The following TMEM71 variants were observed in gnomAD, a reference collection of about 807,000 sequenced individuals.
TMEM71 encodes transmembrane protein 71.
In TMEM71, 44 loss-of-function variants were observed where a neutral mutation model predicts 38.0. The observed-to-expected ratio is 1.16, with a 90% CI of 0.91 to 1.49. TMEM71 has a LOEUF of 1.49. Ranked by LOEUF, TMEM71 falls within the 40% of genes most tolerant of loss-of-function variation. TMEM71 has a pLI of 0.00. For synonymous variants in TMEM71, 133 were observed against 122.5 expected, an observed-to-expected ratio of 1.09 and a Z score of -0.56; for missense variants, 367 against 348.6, an observed-to-expected ratio of 1.05 and a Z score of -0.42.
At chr8:132,743,510 A>C (rs1371097746) in intron 5 of TMEM71, among the ~76,000 whole-genome samples, 1 of 151,876 alleles carries the variant, frequency 6.6e-6, no homozygotes, top group Non-Finnish European at 1.5e-5. Context: ...TTGTTTTTCC[A>C]CTCACCTCCA....
intron 7 of TMEM71, among the ~76,000 whole-genome samples, chr8:132,719,243 T>C (rs1826705194): frequency 6.6e-6 from 1 of 152,206 alleles, no homozygotes; most frequent in Non-Finnish European, 1.5e-5. Context: ...TGTCTTGCCT[T>C]TTCTTGAATT....
intron 6 of TMEM71, among the ~76,000 whole-genome samples, chr8:132,723,733 C>A (rs1461843071): frequency 1.3e-5 from 2 of 152,212 alleles, no homozygotes; most frequent in Non-Finnish European, 2.9e-5. Context: ...ACCTCTCCCC[C>A]TCTCTTGGTA....
chr8:132,745,017 TAACTC>T (rs1324067116), intron 5 of TMEM71, among the ~76,000 whole-genome samples: 2 of 152,104 alleles, frequency 1.3e-5, no homozygotes, highest in Non-Finnish European at 2.9e-5. Flanking sequence ...ATACAAAAAT[TAACTC>T]AAGATGGATT....
chr8:132,725,141 G>C (rs1382067288), intron 6 of TMEM71, among the ~76,000 whole-genome samples: 2 of 151,350 alleles, frequency 1.3e-5, no homozygotes, highest in Non-Finnish European at 2.9e-5. Context: ...AGGCTCAGGT[G>C]ATTCTCCCAC....
intron 6 of TMEM71, 86 bp downstream of exon 6, chr8:132,727,712 G>C: frequency 7.9e-7 from 1 of 1,259,130 alleles, no homozygotes; most frequent in East Asian, 2.4e-5. Context: ...GCTCCTAACT[G>C]CATTTTAGTC....
At chr8:132,747,562 G>C (rs2131160163) in intron 4 of TMEM71, among the ~76,000 whole-genome samples, 1 of 152,298 alleles carries the variant, frequency 6.6e-6, no homozygotes, top group Middle Eastern at 3.4e-3. Flanking sequence ...AACATAGTTG[G>C]GATGCAATCC....
chr8:132,712,026 C>T lies in TMEM71; in HGVS notation c.873-1044G>A, dbSNP rs764158827. Among the ~76,000 whole-genome samples the T allele has an allele frequency of 3.9e-5, 6 of 152,108 alleles. No individual in the cohort carries two copies. In the South Asian group the frequency reaches 1.3e-3, roughly 32 times the overall value. Reference sequence around the variant, plus strand: ...AGGGTTGCAAAATCTTTAATATACACGCAGAGCTCTTGGCTTTCAAGGAAG... The same window carrying T: ...AGGGTTGCAAAATCTTTAATATACATGCAGAGCTCTTGGCTTTCAAGGAAG... On this transcript the variant is annotated intron_variant, in intron 9 of 9. Coordinates refer to ENST00000677595, the MANE Select transcript of TMEM71 (RefSeq NM_001382403.1).
At chr8:132,741,997 A>G (rs1828069023) in intron 5 of TMEM71, among the ~76,000 whole-genome samples, 1 of 152,196 alleles carries the variant, frequency 6.6e-6, no homozygotes. Flanking sequence ...TCACCACTAG[A>G]CCAAGGAGCC....
the TMEM71 span, among the ~76,000 whole-genome samples, chr8:132,775,958 A>G: frequency 6.6e-6 from 1 of 152,022 alleles, no homozygotes; most frequent in Non-Finnish European, 1.5e-5. Flanking sequence ...CCTGGCGGTC[A>G]TTCTCTGACC....
chr8:132,736,442 C>T (rs1025496852), intron 5 of TMEM71, among the ~76,000 whole-genome samples: 21 of 151,904 alleles, frequency 1.4e-4, no homozygotes, highest in Non-Finnish European at 5.9e-5. Context: ...TCAAAGGGTA[C>T]AAAATTCCAG....
intron 1 of TMEM71, among the ~76,000 whole-genome samples, chr8:132,760,119 A>G (rs1467002332): frequency 6.6e-6 from 1 of 152,150 alleles, no homozygotes; most frequent in Non-Finnish European, 1.5e-5. Context: ...TTATTGCTCT[A>G]TCTCACAAGT....
chr8:132,708,886 G>A (rs1826133412), downstream of TMEM71, among the ~76,000 whole-genome samples: 2 of 152,170 alleles, frequency 1.3e-5, no homozygotes, highest in South Asian at 4.1e-4. Context: ...AGGGGCCAGG[G>A]AATGCAAGCA....
chr8:132,772,982 C>T, the TMEM71 span, among the ~76,000 whole-genome samples: 9 of 152,188 alleles, frequency 5.9e-5, no homozygotes, highest in Non-Finnish European at 8.8e-5. Flanking sequence ...CCTTACATTA[C>T]ACAGTTGCTT....
intron 5 of TMEM71, among the ~76,000 whole-genome samples, chr8:132,731,550 G>T (rs1446691979): frequency 6.6e-6 from 1 of 152,128 alleles, no homozygotes; most frequent in East Asian, 1.9e-4. Context: ...ATAGGACAGG[G>T]TCCTCTCTAG....
At chr8:132,752,538 T>C (rs1428786119) in intron 3 of TMEM71, among the ~76,000 whole-genome samples, 1 of 152,184 alleles carries the variant, frequency 6.6e-6, no homozygotes, top group African/African-American at 2.4e-5. Flanking sequence ...GGCCCATAAT[T>C]CCTTGAGTAA....
chr8:132,728,049 T>TGTGTGTGTGTG, intron 5 of TMEM71, 63 bp from the exon 6 acceptor site: 1 of 1,061,954 alleles, frequency 9.4e-7, no homozygotes, highest in Non-Finnish European at 1.3e-6. Flanking sequence ...TGTGTGTGTG[T>TGTGTGTGTGTG]TCAGTGACTG....
the TMEM71 span, among the ~76,000 whole-genome samples, chr8:132,768,458 A>T: frequency 6.6e-6 from 1 of 152,148 alleles, no homozygotes; most frequent in Non-Finnish European, 1.5e-5. Context: ...TAGGATTTAT[A>T]GGATATTTCC....
At chr8:132,751,597 A>T (rs1828711307) in intron 4 of TMEM71, among the ~76,000 whole-genome samples, 188 bp downstream of exon 4, 1 of 152,162 alleles carries the variant, frequency 6.6e-6, no homozygotes, top group African/African-American at 2.4e-5. Context: ...TGGGTGAATA[A>T]ATGAATGAGT....
upstream of TMEM71, among the ~76,000 whole-genome samples, chr8:132,764,288 TTG>T (rs5895159): frequency 0.013 from 1,938 of 148,962 alleles, 30 homozygotes; most frequent in East Asian, 0.089. Context: ...AACTGGGAGG[TTG>T]TGTGTGTGTG....
Sources: allele counts gnomAD v4.1 joint callset (sites outside exome capture counted in the v4.1 genomes callset), GRCh38; gene constraint gnomAD v4.1.1; transcripts MANE v1.5; gene names NCBI Gene and HGNC (gene_info 2026-07-23, HGNC 2026-07-21).